The following KLHL18 variants were observed in gnomAD, a reference collection of about 807,000 sequenced individuals.
The protein encoded by KLHL18 is kelch-like protein 18.
Under a neutral mutation model 58.5 loss-of-function variants are expected in KLHL18, and 38 were observed. The ratio of observed to expected loss-of-function variants is 0.65; its 90% CI spans 0.50 to 0.85. The LOEUF (loss-of-function observed/expected upper bound fraction) is 0.85. Ranked by LOEUF, KLHL18 falls within the 40% of genes least tolerant of loss-of-function variation. The pLI, the probability that KLHL18 is intolerant of heterozygous loss-of-function variation, is 0.00. For synonymous variants in KLHL18, 303 were observed against 301.9 expected (o/e 1.00, Z -0.04); for missense variants, 624 against 778.4 (o/e 0.80, Z 2.36).
intron 1 of KLHL18, among the ~76,000 whole-genome samples, chr3:47,309,002 T>C (rs962798874): frequency 6.6e-6 from 1 of 152,140 alleles, no homozygotes; most frequent in African/African-American, 2.4e-5. Flanking sequence ...CAAGCATCTG[T>C]TTAACAAAGC....
At chr3:47,343,467 TGG>T in intron 9 of KLHL18, 86 bp from the exon 10 acceptor site, 1 of 1,472,890 alleles carries the variant, frequency 6.8e-7, no homozygotes. Context: ...TTTGACATCA[TGG>T]GGGGCTGCTG....
intron 3 of KLHL18, among the ~76,000 whole-genome samples, chr3:47,324,880 T>G (rs1199913176): frequency 6.6e-6 from 1 of 152,198 alleles, no homozygotes; most frequent in East Asian, 1.9e-4. Flanking sequence ...CAGTGCAGGT[T>G]TGCATGCACC....
rs1161507556 is a variant in KLHL18, at chr3:47,334,423, A to C, written c.762-260A>C. On this transcript the variant is annotated intron_variant, in intron 5 of 9. Coordinates refer to ENST00000232766, the MANE Select transcript of KLHL18 (RefSeq NM_025010.5). The surrounding 1 kb of genome is among the most constrained non-coding windows in gnomAD (Gnocchi z 4.7). ...ACTCCCAGGTCCAGCCATTTTGGCC[A>C]CTACCTTGTTTTTCTCATGCCTAAT... Among the ~76,000 whole-genome samples the C allele has an allele frequency of 6.6e-6, 1 of 151,012 alleles. No homozygotes were observed. Among genetic ancestry groups the C allele is most frequent in the Non-Finnish European group, 1.5e-5 (1 of 67,684 alleles).
rs1056846345 is a variant in KLHL18, at chr3:47,309,743, A to C, written c.130-9910A>C. Among the ~76,000 whole-genome samples the C allele has an allele frequency of 7.2e-5, 11 of 152,340 alleles. No homozygotes were observed. In the South Asian group the frequency reaches 1.2e-3, roughly 17 times the overall value. On this transcript the variant is annotated intron_variant, in intron 1 of 9. Coordinates refer to ENST00000232766, the MANE Select transcript of KLHL18 (RefSeq NM_025010.5). ...CTGAGTGAACGAGACTCCATCTGCA[A>C]TCCCGGCACCTCGGGAGGCCGAGGC...
intron 1 of KLHL18, among the ~76,000 whole-genome samples, chr3:47,316,645 G>A (rs1158452438): frequency 1.9e-4 from 1 of 5,294 alleles, no homozygotes; most frequent in African/African-American, 6.7e-4. Context: ...ATATGTATAT[G>A]TGTGTGTATA....
At chr3:47,317,345 C>G (rs1387011941) in intron 1 of KLHL18, among the ~76,000 whole-genome samples, 2 of 152,130 alleles carry the variant, frequency 1.3e-5, no homozygotes, top group Non-Finnish European at 2.9e-5. Context: ...AACCCCTGAC[C>G]TCAGGTGATC....
chr3:47,284,194 T>C (rs1168181069), intron 1 of KLHL18, among the ~76,000 whole-genome samples: 2 of 152,184 alleles, frequency 1.3e-5, no homozygotes, highest in East Asian at 3.9e-4. Context: ...ATCACACCAC[T>C]GCACTCCAGC....
chr3:47,299,342 T>C (rs1702962647), intron 1 of KLHL18, among the ~76,000 whole-genome samples: 1 of 152,186 alleles, frequency 6.6e-6, no homozygotes, highest in Non-Finnish European at 1.5e-5. Context: ...GAGGATTGCT[T>C]GAGCCCAGGA....
chr3:47,285,048 C>T (rs1425019882), intron 1 of KLHL18, among the ~76,000 whole-genome samples: 5 of 151,812 alleles, frequency 3.3e-5, no homozygotes, highest in African/African-American at 1.2e-4. Context: ...CTCCTGACCT[C>T]GTGATCCGCC....
chr3:47,330,498 C>T (rs894163746), intron 4 of KLHL18, among the ~76,000 whole-genome samples: 1 of 152,104 alleles, frequency 6.6e-6, no homozygotes, highest in African/African-American at 2.4e-5. Flanking sequence ...CCGGGTTTCA[C>T]CATGTTGCCC....
intron 1 of KLHL18, among the ~76,000 whole-genome samples, chr3:47,285,490 G>C (rs1702655174): frequency 6.6e-6 from 1 of 152,088 alleles, no homozygotes; most frequent in South Asian, 2.1e-4. Flanking sequence ...GCCAAGGCGA[G>C]TGGATCGCTT....
At chr3:47,320,035 A>ATT (rs546913284) in intron 2 of KLHL18, among the ~76,000 whole-genome samples, 4 of 139,600 alleles carry the variant, frequency 2.9e-5, no homozygotes, top group African/African-American at 7.9e-5. Context: ...AGACTCCATG[A>ATT]TTTTTTTTTT....
rs544651369 is a variant in KLHL18, at chr3:47,307,482, C to A, written c.130-12171C>A. Among the ~76,000 whole-genome samples, 6 of 151,940 alleles carry A rather than the reference C, an allele frequency of 3.9e-5. No individual in the cohort carries two copies. In the East Asian group the frequency reaches 7.7e-4, roughly 20 times the overall value. On this transcript the variant is annotated intron_variant, in intron 1 of 9. Coordinates refer to ENST00000232766, the MANE Select transcript of KLHL18 (RefSeq NM_025010.5). ...AATCCTAATCTCAAGGTCAAAAAGA[C>A]CTACAATATTTTCTTCCAAAATTTT... is the stretch of plus-strand genomic sequence containing the variant.
Position 47,344,852 on chromosome 3 carries a change from C to T in KLHL18, c.*911C>T, listed in dbSNP as rs1326171990. On this transcript the variant is annotated 3_prime_UTR_variant, in exon 10 of 10. Transcript: ENST00000232766. ...CTCTGAGCCCCAGTGTGTGTGGAAT[C>T]AGTGCACTCTTGACTGGGCCTGTAG... The T allele has an allele frequency of 1.3e-5, 2 of 152,608 alleles. No homozygotes were observed. The highest frequency in any genetic ancestry group is 2.9e-5 in the Non-Finnish European group (2 of 68,054). The allele number at this position is 152,608 out of a possible 1,614,324, so 9.5% of individuals were successfully genotyped here. A position where few individuals can be genotyped will look rare whatever the true frequency, so the allele number is the denominator to read the frequency against.
At chr3:47,291,920 G>A (rs1340843652) in intron 1 of KLHL18, among the ~76,000 whole-genome samples, 1 of 152,216 alleles carries the variant, frequency 6.6e-6, no homozygotes, top group Non-Finnish European at 1.5e-5. Flanking sequence ...CGCTCTGCTG[G>A]AACTTGAAGC....
intron 1 of KLHL18, among the ~76,000 whole-genome samples, chr3:47,302,821 G>A (rs1012605505): frequency 1.3e-5 from 2 of 152,142 alleles, no homozygotes; most frequent in Non-Finnish European, 2.9e-5. Context: ...CCGTATCATA[G>A]AAGAGTCCAT....
intron 1 of KLHL18, among the ~76,000 whole-genome samples, chr3:47,290,771 C>CAA (rs1371600666): frequency 6.6e-6 from 1 of 152,200 alleles, no homozygotes; most frequent in African/African-American, 2.4e-5. Flanking sequence ...CCAGCCTTGT[C>CAA]TCTTTCTAAT....
At chr3:47,283,854 T>C (rs1375353668) in intron 1 of KLHL18, among the ~76,000 whole-genome samples, 1 of 152,190 alleles carries the variant, frequency 6.6e-6, no homozygotes, top group African/African-American at 2.4e-5. Context: ...CACCGAACCA[T>C]GTGGAGACGT....
At chr3:47,336,977 A>T (rs295452) in intron 7 of KLHL18, 301,513 of 549,782 alleles carry the variant, frequency 0.55, 85,866 homozygotes, top group Non-Finnish European at 0.59. Context: ...GAGACCAGGC[A>T]TGGACATGTG....
Sources: gnomAD v4.1 joint callset for allele counts (sites outside exome capture counted in the v4.1 genomes callset) on GRCh38, gnomAD v4.1.1 for gene constraint, Gnocchi (gnomAD v3.1) non-coding constraint, MANE v1.5 for transcripts, NCBI Gene and HGNC (gene_info 2026-07-23, HGNC 2026-07-21) for gene names.